The following ABCA1 variants were observed in gnomAD, a reference collection of about 807,000 sequenced individuals.
ABCA1 encodes phospholipid-transporting ATPase ABCA1.
In ABCA1, 133 loss-of-function variants were observed where a neutral mutation model predicts 262.5. That is an observed-to-expected ratio of 0.51 (90% CI 0.44 to 0.59). The LOEUF is 0.59. Ranked by LOEUF, ABCA1 falls within the 20% of genes least tolerant of loss-of-function variation. The pLI is 0.00. For missense variants in ABCA1, 2,452 were observed against 2,777.5 expected (o/e 0.88, Z 2.63); for synonymous variants, 1,022 against 1,043.5 (o/e 0.98, Z 0.40).
chr9:104,907,825 C>T (rs1022424444), intron 1 of ABCA1, among the ~76,000 whole-genome samples: 7 of 152,208 alleles, frequency 4.6e-5, no homozygotes, highest in Non-Finnish European at 1.0e-4. Flanking sequence ...CCCTCAAGCC[C>T]GAGGCGTACG....
At chr9:104,793,801 G>C (rs1034769126) in intron 40 of ABCA1, among the ~76,000 whole-genome samples, 8 of 152,020 alleles carry the variant, frequency 5.3e-5, no homozygotes, top group Admixed American at 3.9e-4. Context: ...CTCCTTTGTA[G>C]CCCAAGTTGC....
intron 44 of ABCA1, among the ~76,000 whole-genome samples, chr9:104,789,241 C>T (rs941854648): frequency 1.3e-5 from 2 of 152,210 alleles, no homozygotes; most frequent in African/African-American, 4.8e-5. Flanking sequence ...GTGCCAGGCC[C>T]TCACAGCTAT....
chr9:104,818,726 T>C lies in ABCA1; in HGVS notation c.3399A>G (p.Lys1133=). 5 of 1,613,768 alleles carry C rather than the reference T, an allele frequency of 3.1e-6. No homozygotes were observed. Among genetic ancestry groups the C allele is most frequent in the Non-Finnish European group, 4.2e-6 (5 of 1,180,030 alleles). ...GTGYYLTLVK[K]DVESSLSSCR... ...AGGAACTGAGGGAGGATTCCACATC[T>C]TTCTTGACCAAGGTCAGGTAGTAGC... Residue 1133 remains lysine, a synonymous_variant, in exon 23 of 50, where the codon AAA becomes AAG. Coordinates refer to ENST00000374736, the MANE Select transcript of ABCA1 (RefSeq NM_005502.4).
Position 104,793,189 on chromosome 9 carries a change from C to T in ABCA1, c.5618G>A (p.Arg1873Lys), listed in dbSNP as rs982161167. The T allele has an allele frequency of 6.2e-7, 1 of 1,614,148 alleles. No individual in the cohort carries two copies. Among genetic ancestry groups the T allele is most frequent in the Non-Finnish European group, 8.5e-7 (1 of 1,180,012 alleles). Reference sequence around the variant, plus strand: ...AGCTCACCTGGGCCTGATGAAGAATCTGTACTGGATCAGAACAGTAATGAG... The same window carrying T: ...AGCTCACCTGGGCCTGATGAAGAATTTGTACTGGATCAGAACAGTAATGAG... Reference protein sequence around the residue: ...FFLITVLIQYRFFIRPRPVNA... With the variant: ...FFLITVLIQYKFFIRPRPVNA... Residue 1873 changes from arginine (R) to lysine (K), a missense_variant, in exon 41 of 50, where the codon AGA becomes AAA. This residue lies in a region of ABCA1 where 752 missense variants were observed against 944.5 expected (regional missense o/e 0.80). Coordinates refer to ENST00000374736, the MANE Select transcript of ABCA1 (RefSeq NM_005502.4).
chr9:104,796,952 G>A (rs769300045), intron 37 of ABCA1, among the ~76,000 whole-genome samples: 9 of 152,180 alleles, frequency 5.9e-5, no homozygotes, highest in Non-Finnish European at 1.3e-4. Flanking sequence ...TTGACGATAG[G>A]ACAATTATGA....
intron 7 of ABCA1, among the ~76,000 whole-genome samples, chr9:104,857,573 T>C (rs748592771): frequency 1.3e-5 from 2 of 152,190 alleles, no homozygotes; most frequent in African/African-American, 2.4e-5. Context: ...GTATGAATCC[T>C]GAAGTGTGTT....
intron 5 of ABCA1, among the ~76,000 whole-genome samples, chr9:104,881,065 C>T (rs1289114300): frequency 6.6e-6 from 1 of 152,134 alleles, no homozygotes; most frequent in Non-Finnish European, 1.5e-5. Flanking sequence ...AGGAGAATCG[C>T]TTGAACCCAG....
intron 5 of ABCA1, among the ~76,000 whole-genome samples, chr9:104,878,925 A>G (rs977125146): frequency 6.6e-6 from 1 of 152,140 alleles, no homozygotes; most frequent in Non-Finnish European, 1.5e-5. Flanking sequence ...CAGAAGCAGG[A>G]GCCCAGTGGC....
intron 15 of ABCA1, among the ~76,000 whole-genome samples, chr9:104,828,391 G>A (rs1487363964): frequency 1.3e-5 from 2 of 152,166 alleles, no homozygotes; most frequent in Non-Finnish European, 2.9e-5. Flanking sequence ...CACGGGGTTG[G>A]CCCTATATCA....
intron 2 of ABCA1, among the ~76,000 whole-genome samples, chr9:104,897,824 A>G (rs1475702826): frequency 1.3e-5 from 2 of 152,178 alleles, no homozygotes; most frequent in Non-Finnish European, 2.9e-5. Flanking sequence ...GCTGGTCTCA[A>G]ATTCCTGGCC....
intron 46 of ABCA1, 61 bp downstream of exon 46, chr9:104,787,859 T>G: frequency 6.2e-7 from 1 of 1,613,834 alleles, no homozygotes; most frequent in Admixed American, 1.7e-5. Context: ...ATAGGACTTT[T>G]GAACAGTCAT....
At chr9:104,810,383 A>G (rs867356986) in intron 29 of ABCA1, among the ~76,000 whole-genome samples, 2 of 152,292 alleles carry the variant, frequency 1.3e-5, no homozygotes, top group Middle Eastern at 3.4e-3. Flanking sequence ...CAGAATAGAT[A>G]ATAATTACAT....
At chr9:104,784,591 CTG>C (rs553638644) in intron 49 of ABCA1, 136 bp from the exon 50 acceptor site, 4 of 1,065,350 alleles carry the variant, frequency 3.8e-6, no homozygotes, top group Admixed American at 2.1e-5. Flanking sequence ...AACTAGAAAA[CTG>C]TGTGTGAAGG....
intron 49 of ABCA1, among the ~76,000 whole-genome samples, chr9:104,785,125 G>C (rs1392054529): frequency 6.6e-6 from 1 of 152,168 alleles, no homozygotes; most frequent in Admixed American, 6.5e-5. Context: ...TAGGCACCAA[G>C]TAAAATGCCT....
chr9:104,866,573 C>T (rs1463723661), intron 5 of ABCA1, among the ~76,000 whole-genome samples: 1 of 152,044 alleles, frequency 6.6e-6, no homozygotes, highest in African/African-American at 2.4e-5. Flanking sequence ...CTCCAAAGCC[C>T]CAGGTTCAAG....
chr9:104,821,768 T>A (rs1433366564), intron 19 of ABCA1, among the ~76,000 whole-genome samples: 1 of 152,224 alleles, frequency 6.6e-6, no homozygotes, highest in Non-Finnish European at 1.5e-5. Context: ...AAAGTATTCT[T>A]TAAAAAATGT....
rs1831219511 is a variant in ABCA1 at position 104,810,889 on chromosome 9, A to G, written c.4086T>C (p.Leu1362=). 5.6e-6 allele frequency: 9 copies of G among 1,614,106 alleles called. No homozygotes were observed. The highest frequency in any genetic ancestry group is 7.6e-6 in the Non-Finnish European group (9 of 1,180,052). Residue 1362 remains leucine (L), a synonymous_variant, in exon 29 of 50, where the codon CTT becomes CTC. Coordinates refer to ENST00000374736, the MANE Select transcript of ABCA1 (RefSeq NM_005502.4). ...VLPAVFVCIA[L]VFSLIVPPFG... is the part of the protein sequence containing the mutation. Reference sequence around the variant, plus strand: ...AGGGTGGCACGATCAGGCTGAACACAAGGGCAATGCAGACAAACACAGCTG... The same window carrying G: ...AGGGTGGCACGATCAGGCTGAACACGAGGGCAATGCAGACAAACACAGCTG...
Position 104,810,004 on chromosome 9 carries a change from C to A in ABCA1, c.4176-440G>T, listed in dbSNP as rs1300955614. Reference sequence around the variant, plus strand: ...AACTAGAAAGCACAAAAATAACAGGCACAGGTCACAAACACATGCTATGTT... The same window carrying A: ...AACTAGAAAGCACAAAAATAACAGGAACAGGTCACAAACACATGCTATGTT... On this transcript the variant is annotated intron_variant, in intron 29 of 49. Coordinates refer to ENST00000374736, the MANE Select transcript of ABCA1 (RefSeq NM_005502.4). 2.0e-5 allele frequency among the ~76,000 whole-genome samples: 3 copies of A among 151,780 alleles called. No homozygotes were observed. In the South Asian group the frequency reaches 6.2e-4, roughly 32 times the overall value.
At chr9:104,914,424 C>T (rs377476347) in intron 1 of ABCA1, among the ~76,000 whole-genome samples, 79 of 151,400 alleles carry the variant, frequency 5.2e-4, no homozygotes, top group African/African-American at 1.6e-3. Context: ...CACTTGAACC[C>T]GGGAGGCAGA....
Sources: allele counts gnomAD v4.1 joint callset (sites outside exome capture counted in the v4.1 genomes callset), GRCh38; gene constraint gnomAD v4.1.1; regional missense constraint gnomAD v4.1.1; transcripts MANE v1.5; gene names NCBI Gene and HGNC (gene_info 2026-07-23, HGNC 2026-07-21).